Variants in RIOK1 observed in about 807,000 individuals in gnomAD.
RIOK1 encodes RIO kinase 1.
Under a neutral mutation model 73.5 loss-of-function variants are expected in RIOK1, and 66 were observed. The ratio of observed to expected loss-of-function variants is 0.90; its 90% CI spans 0.74 to 1.10. RIOK1 has a LOEUF of 1.10. Ranked by LOEUF, RIOK1 falls within the 50% of genes least tolerant of loss-of-function variation. RIOK1 has a pLI of 0.00. For missense variants in RIOK1, 658 were observed against 699.8 expected, an observed-to-expected ratio of 0.94 and a Z score of 0.67; for synonymous variants, 224 against 226.8, an observed-to-expected ratio of 0.99 and a Z score of 0.11.
At chr6:7,398,776 A>G in intron 5 of RIOK1, 36 bp downstream of exon 5, 1 of 1,531,452 alleles carries the variant, frequency 6.5e-7, no homozygotes, top group Non-Finnish European at 9.0e-7. Flanking sequence ...CTTCTTTTTA[A>G]TTAGCATTTC....
chr6:7,402,025 G>C (rs1038556170), intron 6 of RIOK1, among the ~76,000 whole-genome samples: 6 of 152,076 alleles, frequency 3.9e-5, no homozygotes, highest in African/African-American at 1.4e-4. Context: ...GCATATACTT[G>C]AGATATAAAA....
At position 7,404,554 on chromosome 6, in the gene RIOK1, C is replaced by T. The variant is rs1201522947; in HGVS notation, c.991C>T (p.Leu331=). 1 of 1,613,734 alleles carries T rather than the reference C, an allele frequency of 6.2e-7. No homozygotes were observed. The highest frequency in any genetic ancestry group is 1.7e-5 in the Admixed American group (1 of 60,012). Residue 331 remains leucine, a splice_region_variant and synonymous_variant, in exon 10 of 17, where the codon CTG becomes TTG. Coordinates refer to ENST00000379834, the MANE Select transcript of RIOK1 (RefSeq NM_031480.3). ...VHADLSEFNM[L]YHGGGVYIID... Reference sequence around the variant, plus strand: ...TGCAGATCTCAGTGAATTTAACATGCTGTGAGTGTATTTTGTCTCTTAAGA... The same window carrying T: ...TGCAGATCTCAGTGAATTTAACATGTTGTGAGTGTATTTTGTCTCTTAAGA...
Position 7,405,284 on chromosome 6 carries a change from G to A in RIOK1, c.1132G>A (p.Val378Met). Residue 378 changes from valine to methionine, a missense_variant, in exon 12 of 17, where the codon GTG (valine) becomes ATG (methionine). Transcript: ENST00000379834. ...FMRHSVAVMT[V>M]RELFEFVTDP... ...GAGGCACAGTGTTGCTGTCATGACT[G>A]TGCGGGAGCTCTTTGAATTTGTCAC... is the stretch of plus-strand genomic sequence containing the variant. 6.2e-7 allele frequency: 1 copy of A among 1,613,290 alleles called. No homozygotes were observed. Among genetic ancestry groups the A allele is most frequent in the South Asian group, 1.1e-5 (1 of 91,070 alleles).
intron 15 of RIOK1, 148 bp downstream of exon 15, chr6:7,413,090 C>A: frequency 2.2e-6 from 1 of 450,104 alleles, no homozygotes; most frequent in Non-Finnish European, 3.9e-6. Flanking sequence ...CTTTCAAAGT[C>A]TGTGGACATC....
intron 6 of RIOK1, among the ~76,000 whole-genome samples, chr6:7,401,265 AGTG>A (rs1325601304): frequency 6.6e-6 from 1 of 152,244 alleles, no homozygotes; most frequent in African/African-American, 2.4e-5. Context: ...TGTGCCCAGT[AGTG>A]AGTGAGATGG....
chr6:7,393,907 A>G (rs944507165), intron 2 of RIOK1, among the ~76,000 whole-genome samples: 3 of 152,234 alleles, frequency 2.0e-5, no homozygotes, highest in Non-Finnish European at 2.9e-5. Context: ...ACTGATTCGC[A>G]CAATGAGGCA....
rs753858364 is a variant in RIOK1 at position 7,393,134 on chromosome 6, A to G, written c.107A>G (p.Asp36Gly). The change falls in exon 2 of 17, where the codon GAT becomes GGT. Residue 36 changes from aspartate (D) to glycine (G), a missense_variant. By Grantham distance (94) the Asp-to-Gly change is moderately conservative. Transcript: ENST00000379834. ...NRDLKTVKEK[D>G]DILFEDLQDN... ...GACTTGAAGACAGTCAAAGAGAAGG[A>G]TGACATTCTGTTTGAAGACCTTCAA... 1.2e-5 allele frequency: 19 copies of G among 1,613,758 alleles called. No homozygotes were observed. In the Admixed American group the frequency reaches 2.5e-4, roughly 21 times the overall value.
At chr6:7,402,164 T>C (rs1267814125) in intron 6 of RIOK1, among the ~76,000 whole-genome samples, 1 of 152,222 alleles carries the variant, frequency 6.6e-6, no homozygotes, top group East Asian at 1.9e-4. Flanking sequence ...AAGAACATTA[T>C]AGAGCATACT....
At chr6:7,407,263 A>C (rs1761769842) in intron 12 of RIOK1, among the ~76,000 whole-genome samples, 1 of 152,164 alleles carries the variant, frequency 6.6e-6, no homozygotes, top group Admixed American at 6.5e-5. Flanking sequence ...AACAATGCAC[A>C]AGGGTTTTAA....
At position 7,411,388 on chromosome 6, in the gene RIOK1, G is replaced by T. The variant is rs1761879452; in HGVS notation, c.1326G>T (p.Arg442Ser). 4 of 1,613,266 alleles carry T rather than the reference G, an allele frequency of 2.5e-6. No individual in the cohort carries two copies. Among genetic ancestry groups the T allele is most frequent in the Non-Finnish European group, 2.5e-6 (3 of 1,179,298 alleles). Residue 442 changes from arginine (R) to serine (S), a missense_variant, in exon 14 of 17, where the codon AGG becomes AGT. By Grantham distance (110) the Arg-to-Ser change is moderately radical. Transcript: ENST00000379834. ...RTLNEVKNYE[R>S]DMDIIMKLKE... ...TGAATGAAGTGAAAAATTATGAGAG[G>T]GATATGGACATAATTATGAAATTGA...
chr6:7,412,186 C>T (rs1275930530), intron 14 of RIOK1, among the ~76,000 whole-genome samples: 1 of 151,638 alleles, frequency 6.6e-6, no homozygotes, highest in Non-Finnish European at 1.5e-5. Flanking sequence ...CATGGTGAAA[C>T]CCTGTCTCTA....
chr6:7,398,064 C>T (rs1309193452), intron 4 of RIOK1, among the ~76,000 whole-genome samples: 4 of 152,178 alleles, frequency 2.6e-5, no homozygotes, highest in Non-Finnish European at 4.4e-5. Context: ...ATGGCGTGAA[C>T]CCGGGAGGCA....
chr6:7,391,409 G>C (rs572981557), intron 1 of RIOK1, among the ~76,000 whole-genome samples: 1 of 152,332 alleles, frequency 6.6e-6, no homozygotes, highest in South Asian at 2.1e-4. Context: ...AAGTGATAGT[G>C]AGCTGATACT....
At chr6:7,409,027 A>G (rs1429417751) in intron 12 of RIOK1, among the ~76,000 whole-genome samples, 1 of 144,582 alleles carries the variant, frequency 6.9e-6, no homozygotes, top group East Asian at 2.1e-4. Context: ...GGCCTCTTTT[A>G]TTTATTTATT....
chr6:7,400,945 C>T lies in RIOK1; in HGVS notation c.481-13C>T, dbSNP rs769496925. 15 of 1,551,750 alleles carry T rather than the reference C, an allele frequency of 9.7e-6. No homozygotes were observed. Among genetic ancestry groups the T allele is most frequent in the Non-Finnish European group, 1.2e-5 (14 of 1,134,872 alleles). On this transcript the variant is annotated splice_polypyrimidine_tract_variant and intron_variant, in intron 5 of 16. Transcript: ENST00000379834. ...GTCTTTTGGAACTTTTTAATTTTTG[C>T]ATTTCTTTTTAGGTGTTGGATCCCA...
chr6:7,405,806 T>G (rs2113518490), intron 12 of RIOK1, among the ~76,000 whole-genome samples: 1 of 150,686 alleles, frequency 6.6e-6, no homozygotes, highest in South Asian at 2.1e-4. Flanking sequence ...TTTTTTTTTT[T>G]TCTTCTCCTG....
At position 7,410,466 on chromosome 6, in the gene RIOK1, C is replaced by T. The variant is rs755911433; in HGVS notation, c.1269+15C>T. 4 of 1,572,950 alleles carry T rather than the reference C, an allele frequency of 2.5e-6. No homozygotes were observed. In the South Asian group the frequency reaches 4.5e-5, roughly 18 times the overall value. On this transcript the variant is annotated intron_variant, in intron 13 of 16. Coordinates refer to ENST00000379834, the MANE Select transcript of RIOK1 (RefSeq NM_031480.3). ...TGGATGAAGAGGTAGGATTTATTAT[C>T]TATTCACAGCCTTTGGAAACACTTG...
At chr6:7,404,897 T>G (rs749278744) in intron 10 of RIOK1, 21 bp from the exon 11 acceptor site, 5 of 1,588,698 alleles carry the variant, frequency 3.1e-6, no homozygotes. Context: ...ATCCCACAGC[T>G]TCTGTGTCTC....
chr6:7,396,691 C>T lies in RIOK1; in HGVS notation c.368-12C>T, dbSNP rs1182817974. The T allele has an allele frequency of 1.3e-6, 2 of 1,565,134 alleles. No individual in the cohort carries two copies. Among genetic ancestry groups the T allele is most frequent in the Admixed American group, 3.4e-5 (2 of 58,304 alleles). On this transcript the variant is annotated splice_polypyrimidine_tract_variant and intron_variant, in intron 3 of 16. Transcript: ENST00000379834. Reference sequence around the variant, plus strand: ...TACATATTGTTTACATTGTGGGTTTCTTGTATTTTAGATAAGCTAAATGTT... The same window carrying T: ...TACATATTGTTTACATTGTGGGTTTTTTGTATTTTAGATAAGCTAAATGTT...
Sources: allele counts gnomAD v4.1 joint callset (sites outside exome capture counted in the v4.1 genomes callset), GRCh38; gene constraint gnomAD v4.1.1; transcripts MANE v1.5; gene names NCBI Gene and HGNC (gene_info 2026-07-23, HGNC 2026-07-21).